The following KLHL3 variants were observed in gnomAD, a reference collection of about 807,000 sequenced individuals.
The protein encoded by KLHL3 is kelch-like protein 3.
KLHL3 carries 19 observed loss-of-function variants against 70.5 expected under a neutral mutation model. The observed-to-expected ratio is 0.27, with a 90% CI of 0.19 to 0.40. The LOEUF (loss-of-function observed/expected upper bound fraction) is 0.40, where lower values mean the gene tolerates loss of function less well. Ranked by LOEUF, KLHL3 falls within the 10% of genes least tolerant of loss-of-function variation. The pLI, the probability that KLHL3 is intolerant of heterozygous loss-of-function variation, is 1.00. For missense variants in KLHL3, 512 were observed against 771.1 expected, an observed-to-expected ratio of 0.66 and a Z score of 3.98; for synonymous variants, 258 against 290.3, an observed-to-expected ratio of 0.89 and a Z score of 1.13.
intron 5 of KLHL3, among the ~76,000 whole-genome samples, chr5:137,690,696 G>A (rs1001812230): frequency 6.6e-6 from 1 of 152,128 alleles, no homozygotes; most frequent in African/African-American, 2.4e-5. Flanking sequence ...CTGGGGTCAG[G>A]GACTTAATCA....
intron 3 of KLHL3, among the ~76,000 whole-genome samples, chr5:137,701,173 C>T (rs1215784216): frequency 6.6e-6 from 1 of 152,144 alleles, no homozygotes. Context: ...GCTGAGATTA[C>T]AGGCATGCGC....
rs1405655133 is a variant in KLHL3 at position 137,619,792 on chromosome 5, C to T, written c.*2306G>A. 5.9e-5 allele frequency: 9 copies of T among 152,552 alleles called. No homozygotes were observed. Among genetic ancestry groups the T allele is most frequent in the Admixed American group, 5.2e-4 (8 of 15,276 alleles). The allele number at this position is 152,552 out of a possible 1,614,324, so 9.4% of individuals were successfully genotyped here. On this transcript the variant is annotated 3_prime_UTR_variant, in exon 15 of 15. Coordinates refer to ENST00000309755, the MANE Select transcript of KLHL3 (RefSeq NM_017415.3). ...GGGAGACATGAGGTGAAACCAATTG[C>T]AAAAATCCAAAAACAGAAAACATGA... is the stretch of plus-strand genomic sequence containing the variant.
chr5:137,691,743 T>C (rs1752327489), intron 5 of KLHL3, among the ~76,000 whole-genome samples: 1 of 151,590 alleles, frequency 6.6e-6, no homozygotes, highest in Admixed American at 6.6e-5. Flanking sequence ...CCCAAGTAGC[T>C]GGGACTACAG....
At chr5:137,729,437 C>G (rs1401533819) in intron 1 of KLHL3, among the ~76,000 whole-genome samples, 1 of 152,160 alleles carries the variant, frequency 6.6e-6, no homozygotes, top group Non-Finnish European at 1.5e-5. Context: ...AGGTCAGATC[C>G]TCATGGTGGA....
At chr5:137,653,719 C>T (rs1332979742) in intron 8 of KLHL3, among the ~76,000 whole-genome samples, 2 of 152,186 alleles carry the variant, frequency 1.3e-5, no homozygotes, top group Non-Finnish European at 2.9e-5. Flanking sequence ...TAAACATATA[C>T]TTACCATACA....
At chr5:137,671,202 A>G (rs1366655807) in intron 6 of KLHL3, among the ~76,000 whole-genome samples, 2 of 152,078 alleles carry the variant, frequency 1.3e-5, no homozygotes, top group Admixed American at 1.3e-4. Flanking sequence ...GAGCTATTCC[A>G]AACTTCCAAG....
chr5:137,628,798 GA>G (rs1240872923), intron 12 of KLHL3: 5 of 160,238 alleles, frequency 3.1e-5, no homozygotes, highest in East Asian at 1.7e-4. Context: ...CATAAGCAAA[GA>G]AAAAAAGACA....
At chr5:137,649,375 G>A (rs894889809) in intron 8 of KLHL3, among the ~76,000 whole-genome samples, 1 of 152,226 alleles carries the variant, frequency 6.6e-6, no homozygotes, top group South Asian at 2.1e-4. Flanking sequence ...CTCTCTGGAA[G>A]AAAGCCAGCA....
In KLHL3 at chr5:137,628,307, C is replaced by T. The variant is rs1750534345; in HGVS notation, c.1581G>A (p.Arg527=). ...WKQVADMNMC[R]RNAGVCAVNG... Reference sequence around the variant, plus strand: ...GAGAGCAGTCATTACCTGCGTTGCGCCGGCACATGTTCATGTCTGCCACTT... The same window carrying T: ...GAGAGCAGTCATTACCTGCGTTGCGTCGGCACATGTTCATGTCTGCCACTT... The change falls in exon 13 of 15, where the codon CGG becomes CGA. Residue 527 remains arginine (R), a synonymous_variant. Transcript: ENST00000309755. 2.5e-6 allele frequency: 4 copies of T among 1,614,134 alleles called. No individual in the cohort carries two copies. Among genetic ancestry groups the T allele is most frequent in the African/African-American group, 1.3e-5 (1 of 75,020 alleles).
At position 137,639,726 on chromosome 5, in the gene KLHL3, AGT is replaced by A; in HGVS notation, c.1021+132_1021+133del. 1.6e-6 allele frequency: 1 copy of A among 624,400 alleles called. No individual in the cohort carries two copies. Among genetic ancestry groups the A allele is most frequent in the Non-Finnish European group, 2.8e-6 (1 of 360,326 alleles). The allele number at this position is 624,400 out of a possible 1,614,324, so 38.7% of individuals were successfully genotyped here. A position where few individuals can be genotyped will look rare whatever the true frequency, so the allele number is the denominator to read the frequency against. On this transcript the variant is annotated intron_variant, in intron 9 of 14. Transcript: ENST00000309755. The surrounding 1 kb of genome is among the most constrained non-coding windows in gnomAD (Gnocchi z 5.0). ...CGACAACAACCAAAAAAAAAAAAAA[AGT>A]GTGCAGGAGGGAAACGAATGGGAGC...
chr5:137,630,757 T>G (rs1750614598), intron 12 of KLHL3, among the ~76,000 whole-genome samples: 1 of 152,186 alleles, frequency 6.6e-6, no homozygotes, highest in African/African-American at 2.4e-5. Flanking sequence ...GGAAGGGATT[T>G]GCCCAAGGAA....
chr5:137,705,468 T>C (rs1752667584), intron 3 of KLHL3, among the ~76,000 whole-genome samples: 1 of 152,202 alleles, frequency 6.6e-6, no homozygotes, highest in Non-Finnish European at 1.5e-5. Context: ...ACTTACCATA[T>C]ATTCAAAGAT....
At chr5:137,717,805 T>A (rs1382887785) in intron 2 of KLHL3, among the ~76,000 whole-genome samples, 2 of 152,072 alleles carry the variant, frequency 1.3e-5, no homozygotes, top group African/African-American at 4.8e-5. Context: ...TGCCTAAACC[T>A]GAATTAAAAT....
At chr5:137,692,230 C>A in intron 5 of KLHL3, 55 bp downstream of exon 5, 1 of 1,507,112 alleles carries the variant, frequency 6.6e-7, no homozygotes, top group Admixed American at 1.8e-5. Context: ...TGCAGAAGAC[C>A]AGGTGATTAG....
chr5:137,675,888 AG>A (rs1751872683), intron 6 of KLHL3, among the ~76,000 whole-genome samples: 1 of 152,224 alleles, frequency 6.6e-6, no homozygotes, highest in Non-Finnish European at 1.5e-5. Context: ...GAACATGCTC[AG>A]GGGGGCCCCA....
intron 4 of KLHL3, among the ~76,000 whole-genome samples, chr5:137,695,629 G>A (rs749622561): frequency 1.3e-5 from 2 of 152,152 alleles, no homozygotes; most frequent in Non-Finnish European, 2.9e-5. Flanking sequence ...ATTCCCAGAG[G>A]CCCTGAAAGA....
In KLHL3 at chr5:137,647,691, G is replaced by A. The variant is rs568412960; in HGVS notation, c.904-7714C>T. ...GATGGAGCATGTCGAGGTCGAGCCA[G>A]AAGACTTGTCCAAGCAGGTTCCTGA... On this transcript the variant is annotated intron_variant, in intron 8 of 14. Transcript: ENST00000309755. The A allele has an allele frequency of 7.0e-6, 3 of 431,648 alleles. No homozygotes were observed. The Admixed American group carries it at 7.6e-5, about 11-fold the overall frequency. The allele number at this position is 431,648 out of a possible 1,614,324, so 26.7% of individuals were successfully genotyped here.
chr5:137,690,748 C>G (rs1752300357), intron 5 of KLHL3, among the ~76,000 whole-genome samples: 1 of 151,980 alleles, frequency 6.6e-6, no homozygotes, highest in Non-Finnish European at 1.5e-5. Flanking sequence ...ATGCTTGTTG[C>G]TTTGTTGACC....
intron 8 of KLHL3, among the ~76,000 whole-genome samples, chr5:137,646,178 G>GA (rs899137885): frequency 4.0e-5 from 6 of 151,840 alleles, no homozygotes; most frequent in Admixed American, 6.6e-5. Flanking sequence ...ACAAGTATAT[G>GA]AAAAAAAATG....
Sources: gnomAD v4.1 joint callset for allele counts (sites outside exome capture counted in the v4.1 genomes callset) on GRCh38, gnomAD v4.1.1 for gene constraint, Gnocchi (gnomAD v3.1) non-coding constraint, MANE v1.5 for transcripts, NCBI Gene and HGNC (gene_info 2026-07-23, HGNC 2026-07-21) for gene names.